EFNA5: variants seen among roughly 807,000 people sequenced by gnomAD.
The protein encoded by EFNA5 is ephrin A5.
A neutral mutation model predicts 22.9 loss-of-function variants in EFNA5; 5 were observed. The observed-to-expected ratio is 0.22, with a 90% CI of 0.11 to 0.46. The LOEUF (loss-of-function observed/expected upper bound fraction) is 0.46. Among genes scored for constraint, EFNA5 ranks in the 20% least tolerant of loss-of-function variants. EFNA5 has a pLI of 0.99. For synonymous variants in EFNA5, 113 were observed against 112.2 expected, an observed-to-expected ratio of 1.01 and a Z score of -0.04; for missense variants, 237 against 293.3, an observed-to-expected ratio of 0.81 and a Z score of 1.40.
intron 4 of EFNA5, 136 bp from the exon 5 acceptor site, chr5:107,381,512 G>A: frequency 1.0e-6 from 1 of 994,630 alleles, no homozygotes; most frequent in Non-Finnish European, 1.4e-6. Context: ...TGACTTTCAT[G>A]TCTGCATAAT....
At chr5:107,639,438 G>A (rs1750455649) in intron 1 of EFNA5, among the ~76,000 whole-genome samples, 1 of 152,200 alleles carries the variant, frequency 6.6e-6, no homozygotes, top group Non-Finnish European at 1.5e-5. Context: ...ATCTCTCAAT[G>A]CCTTGGTATC....
chr5:107,663,246 C>T (rs1258240803), intron 1 of EFNA5, among the ~76,000 whole-genome samples: 1 of 151,992 alleles, frequency 6.6e-6, no homozygotes, highest in African/African-American at 2.4e-5. Context: ...GCTGATTTAA[C>T]TGAAAGCCAA....
intron 1 of EFNA5, among the ~76,000 whole-genome samples, chr5:107,564,166 C>G (rs754506688): frequency 9.2e-5 from 14 of 152,204 alleles, no homozygotes; most frequent in Non-Finnish European, 1.3e-4. Context: ...GCTTCCCACC[C>G]TCCAGCAGCT....
chr5:107,448,678 A>T (rs534464507), intron 1 of EFNA5, among the ~76,000 whole-genome samples: 7 of 151,808 alleles, frequency 4.6e-5, no homozygotes, highest in Admixed American at 4.6e-4. Context: ...AAAATACAAA[A>T]AATTAGCTGC....
chr5:107,552,695 T>C (rs1450747978), intron 1 of EFNA5, among the ~76,000 whole-genome samples: 1 of 152,236 alleles, frequency 6.6e-6, no homozygotes, highest in Admixed American at 6.5e-5. Flanking sequence ...GCTCTGTATA[T>C]TCATGGAGCT....
chr5:107,389,063 G>C (rs1401641954), intron 2 of EFNA5, among the ~76,000 whole-genome samples: 2 of 152,172 alleles, frequency 1.3e-5, no homozygotes, highest in African/African-American at 2.4e-5. Flanking sequence ...AGGGTCCCCA[G>C]TGTCCCTATT....
intron 1 of EFNA5, among the ~76,000 whole-genome samples, chr5:107,626,207 C>G (rs1172939613): frequency 6.6e-6 from 1 of 152,138 alleles, no homozygotes; most frequent in Admixed American, 6.5e-5. Flanking sequence ...AAATGCAGAA[C>G]CACCATTTGA....
intron 1 of EFNA5, among the ~76,000 whole-genome samples, chr5:107,503,770 AT>A (rs1434127585): frequency 2.0e-5 from 3 of 152,200 alleles, no homozygotes; most frequent in African/African-American, 4.8e-5. Context: ...AACCATTAAT[AT>A]TTTTTATTAC....
At chr5:107,384,196 G>C (rs2112484751) in intron 4 of EFNA5, among the ~76,000 whole-genome samples, 1 of 152,302 alleles carries the variant, frequency 6.6e-6, no homozygotes, top group Non-Finnish European at 1.5e-5. Context: ...ACCTAAACAT[G>C]AGAGAATTTC....
chr5:107,445,675 C>T (rs152595), intron 1 of EFNA5, among the ~76,000 whole-genome samples: 42,228 of 151,974 alleles, frequency 0.28, 6,334 homozygotes, highest in East Asian at 0.53. Context: ...GCCACCCAGA[C>T]CTCTCCAAGG....
At chr5:107,578,506 T>C (rs1343862963) in intron 1 of EFNA5, among the ~76,000 whole-genome samples, 1 of 152,132 alleles carries the variant, frequency 6.6e-6, no homozygotes, top group Non-Finnish European at 1.5e-5. Flanking sequence ...GTGAGAAATT[T>C]CTAGACCTTT....
chr5:107,501,255 A>T (rs535092277), intron 1 of EFNA5, among the ~76,000 whole-genome samples: 2 of 152,318 alleles, frequency 1.3e-5, no homozygotes, highest in East Asian at 3.9e-4. Flanking sequence ...ATATTTTTTT[A>T]AAATATTCTG....
rs1194678457 is a variant in EFNA5 at position 107,381,259 on chromosome 5, A to C, written c.683T>G (p.Leu228Ter). The C allele has an allele frequency of 6.2e-7, 1 of 1,613,724 alleles. No individual in the cohort carries two copies. The highest frequency in any genetic ancestry group is 1.7e-5 in the Admixed American group (1 of 60,010). ...AAGTGATGGGAGGAGACTGTGCTAT[A>C]ATGTCAAAAGCATCGCCAGGAGGAA... The part of the protein sequence containing the change: ...LLFLLAMLLT[L>*] Residue 228 changes from leucine (L) to a stop codon, truncating the protein, a stop_gained, in exon 5 of 5, where the codon TTA (leucine) becomes TGA (stop). Coordinates refer to ENST00000333274, the MANE Select transcript of EFNA5 (RefSeq NM_001962.3). LOFTEE classifies it high-confidence loss of function.
chr5:107,563,904 G>A (rs1056060972), intron 1 of EFNA5, among the ~76,000 whole-genome samples: 4 of 152,122 alleles, frequency 2.6e-5, no homozygotes, highest in African/African-American at 4.8e-5. Flanking sequence ...AGTCTTGTTC[G>A]CAAGTCATCA....
At chr5:107,393,246 T>C (rs1747833985) in intron 2 of EFNA5, among the ~76,000 whole-genome samples, 1 of 152,188 alleles carries the variant, frequency 6.6e-6, no homozygotes, top group African/African-American at 2.4e-5. Flanking sequence ...CTCCTATTAG[T>C]TATCTTCTAC....
chr5:107,509,148 A>G (rs1000119154), intron 1 of EFNA5, among the ~76,000 whole-genome samples: 6 of 152,220 alleles, frequency 3.9e-5, no homozygotes, highest in Non-Finnish European at 7.3e-5. Context: ...GTGACATGTT[A>G]GTAGTCTCTA....
At chr5:107,554,262 AG>A (rs984623183) in intron 1 of EFNA5, among the ~76,000 whole-genome samples, 48 of 152,198 alleles carry the variant, frequency 3.2e-4, no homozygotes, top group Non-Finnish European at 3.4e-4. Context: ...TACAAAAGGG[AG>A]AAATTAATTA....
chr5:107,535,420 C>G (rs1747910493), intron 1 of EFNA5, among the ~76,000 whole-genome samples: 1 of 151,936 alleles, frequency 6.6e-6, no homozygotes, highest in Admixed American at 6.6e-5. Flanking sequence ...TACACCTTTA[C>G]TAAGACTATG....
intron 1 of EFNA5, among the ~76,000 whole-genome samples, chr5:107,664,375 T>C (rs1389615908): frequency 6.6e-6 from 1 of 152,126 alleles, no homozygotes; most frequent in Non-Finnish European, 1.5e-5. Flanking sequence ...TGCAGACAAA[T>C]TTAAGAGGAA....
Sources: gnomAD v4.1 joint callset for allele counts (sites outside exome capture counted in the v4.1 genomes callset) on GRCh38, gnomAD v4.1.1 for gene constraint, MANE v1.5 for transcripts, NCBI Gene and HGNC (gene_info 2026-07-23, HGNC 2026-07-21) for gene names.